The following RGS6 variants were observed in gnomAD, a reference collection of about 807,000 sequenced individuals.
RGS6 encodes regulator of G protein signaling 6, also known as regulator of G-protein signaling 6.
Under a neutral mutation model 78.5 loss-of-function variants are expected in RGS6, and 30 were observed. The ratio of observed to expected loss-of-function variants is 0.38; its 90% confidence interval spans 0.29 to 0.52. The LOEUF (loss-of-function observed/expected upper bound fraction) is 0.52, where lower values mean the gene tolerates loss of function less well. Among genes scored for constraint, RGS6 ranks in the 20% least tolerant of loss-of-function variants. RGS6 has a pLI of 0.85. For synonymous variants in RGS6, 206 were observed against 206.0 expected, an observed-to-expected ratio of 1.00 and a Z score of 0.00; for missense variants, 495 against 609.7, an observed-to-expected ratio of 0.81 and a Z score of 1.98.
At chr14:71,901,723 G>A in the RGS6 span, among the ~76,000 whole-genome samples, 1 of 152,096 alleles carries the variant, frequency 6.6e-6, no homozygotes, top group Admixed American at 6.5e-5. Flanking sequence ...TTTTGGGTTG[G>A]TCTTGACCAC....
At chr14:72,305,079 A>T (rs1158089599) in intron 2 of RGS6, among the ~76,000 whole-genome samples, 3 of 152,146 alleles carry the variant, frequency 2.0e-5, no homozygotes, top group Admixed American at 6.5e-5. Context: ...CAGTTTTACA[A>T]GAAGTGAGGG....
rs897216513 is a variant in RGS6, at chr14:72,563,730, C to T, written c.*1263C>T. 1.3e-5 allele frequency: 2 copies of T among 152,222 alleles called. No individual in the cohort carries two copies. The highest frequency in any genetic ancestry group is 2.4e-5 in the African/African-American group (1 of 41,434). The allele number at this position is 152,222 out of a possible 1,614,324, so 9.4% of individuals were successfully genotyped here. ...AAAGCACCGAGTCAGGTGCCTGATA[C>T]GCAGTAGGTGCTTAGCAAACGGTAG... On this transcript the variant is annotated 3_prime_UTR_variant, in exon 18 of 18. Transcript: ENST00000553525.
At chr14:72,524,988 G>C (rs989004779) in intron 15 of RGS6, among the ~76,000 whole-genome samples, 5 of 152,176 alleles carry the variant, frequency 3.3e-5, no homozygotes, top group African/African-American at 1.2e-4. Context: ...ACCCTGCCCT[G>C]TACCTGGAGT....
chr14:72,527,395 G>T (rs1272623037), intron 15 of RGS6, among the ~76,000 whole-genome samples: 1 of 152,184 alleles, frequency 6.6e-6, no homozygotes, highest in Non-Finnish European at 1.5e-5. Context: ...GAGCTTTGGG[G>T]TCACAGAGCT....
chr14:72,443,190 A>G (rs1310379816), intron 3 of RGS6, among the ~76,000 whole-genome samples: 1 of 152,214 alleles, frequency 6.6e-6, no homozygotes, highest in Non-Finnish European at 1.5e-5. Flanking sequence ...AGACTGCTAA[A>G]TGTCTTTACC....
intron 14 of RGS6, among the ~76,000 whole-genome samples, chr14:72,512,061 AC>A (rs992526125): frequency 1.3e-5 from 2 of 150,942 alleles, no homozygotes; most frequent in Non-Finnish European, 3.0e-5. Flanking sequence ...CCCAGTTTCC[AC>A]CCCCTCCATG....
chr14:72,505,214 A>T (rs1393724715), intron 13 of RGS6, among the ~76,000 whole-genome samples: 1 of 152,174 alleles, frequency 6.6e-6, no homozygotes, highest in Admixed American at 6.5e-5. Context: ...GTCTGTTAGG[A>T]CTGCTGTTAC....
intron 2 of RGS6, among the ~76,000 whole-genome samples, chr14:72,334,719 A>G (rs1040231126): frequency 1.3e-5 from 2 of 152,302 alleles, no homozygotes; most frequent in African/African-American, 4.8e-5. Flanking sequence ...CTACTTGCAG[A>G]GAAGCCACTA....
intron 1 of RGS6, among the ~76,000 whole-genome samples, chr14:71,955,626 T>A (rs2092725307): frequency 6.6e-6 from 1 of 152,278 alleles, no homozygotes; most frequent in East Asian, 1.9e-4. Flanking sequence ...TAAACTGTCA[T>A]GGCGCTGGTG....
At chr14:72,084,737 ATTTT>A (rs113187205) in intron 2 of RGS6, among the ~76,000 whole-genome samples, 1 of 147,674 alleles carries the variant, frequency 6.8e-6, no homozygotes, top group Non-Finnish European at 1.5e-5. Context: ...TCATTCATTG[ATTTT>A]TTTTTTTTCC....
At chr14:72,384,247 G>T (rs1226787719) in intron 3 of RGS6, among the ~76,000 whole-genome samples, 1 of 152,166 alleles carries the variant, frequency 6.6e-6, no homozygotes, top group Non-Finnish European at 1.5e-5. Flanking sequence ...CACTCGGTGT[G>T]GCCACTTGGA....
At chr14:72,077,397 G>A (rs1352788818) in intron 2 of RGS6, among the ~76,000 whole-genome samples, 1 of 151,628 alleles carries the variant, frequency 6.6e-6, no homozygotes, top group Non-Finnish European at 1.5e-5. Flanking sequence ...TTTAACCTTT[G>A]TTTAGTTTTT....
intron 2 of RGS6, among the ~76,000 whole-genome samples, chr14:71,969,544 CT>C (rs1488145374): frequency 6.6e-6 from 1 of 152,228 alleles, no homozygotes; most frequent in East Asian, 1.9e-4. Context: ...GCTGGAGGCT[CT>C]GCCTGTCTGG....
At chr14:71,949,999 T>G (rs190064355) in intron 1 of RGS6, among the ~76,000 whole-genome samples, 31 of 152,312 alleles carry the variant, frequency 2.0e-4, no homozygotes, top group Admixed American at 2.0e-3. Context: ...GTCTCTGTGT[T>G]TTCTAGTCCA....
intron 2 of RGS6, among the ~76,000 whole-genome samples, chr14:72,044,988 A>ACTGAGAGTTACATTGTTGGCTCTT (rs2092721893): frequency 6.6e-6 from 1 of 152,188 alleles, no homozygotes; most frequent in African/African-American, 2.4e-5. Flanking sequence ...TCAGCCTTGG[A>ACTGAGAGTTACATTGTTGGCTCTT]CTGAGAGTTA....
chr14:72,027,754 G>T (rs2090150215), intron 2 of RGS6, among the ~76,000 whole-genome samples: 1 of 152,076 alleles, frequency 6.6e-6, no homozygotes, highest in Non-Finnish European at 1.5e-5. Flanking sequence ...TTTTCCCTTA[G>T]TCATTACATG....
At chr14:72,041,999 A>C (rs958790174) in intron 2 of RGS6, among the ~76,000 whole-genome samples, 3 of 152,190 alleles carry the variant, frequency 2.0e-5, no homozygotes, top group Admixed American at 6.5e-5. Flanking sequence ...TGGTGCTAGA[A>C]TAGAGATTAG....
At chr14:72,046,128 C>T (rs1045228137) in intron 2 of RGS6, among the ~76,000 whole-genome samples, 2 of 151,890 alleles carry the variant, frequency 1.3e-5, no homozygotes, top group Non-Finnish European at 2.9e-5. Flanking sequence ...ATTTTTCTCC[C>T]TAGGAGCGTC....
chr14:71,878,079 C>T, the RGS6 span, among the ~76,000 whole-genome samples: 1 of 152,320 alleles, frequency 6.6e-6, no homozygotes, highest in East Asian at 1.9e-4. Context: ...TATGAGGTGT[C>T]AGTCGGCCCC....
Sources: gnomAD v4.1 joint callset for allele counts (sites outside exome capture counted in the v4.1 genomes callset) on GRCh38, gnomAD v4.1.1 for gene constraint, MANE v1.5 for transcripts, NCBI Gene and HGNC (gene_info 2026-07-23, HGNC 2026-07-21) for gene names.